Variants in ITGA2 observed in about 807,000 individuals in gnomAD.
The protein encoded by ITGA2 is integrin alpha-2.
In ITGA2, 101 loss-of-function variants were observed where a neutral mutation model predicts 146.3. The observed-to-expected ratio is 0.69, with a 90% confidence interval of 0.59 to 0.81. The LOEUF (loss-of-function observed/expected upper bound fraction) is 0.81, where lower values mean the gene tolerates loss of function less well. ITGA2 is among the 40% of genes least tolerant of loss of function. The probability of loss-of-function intolerance (pLI) is 0.00; values close to 1 mark genes in which losing one functional copy is unlikely to be tolerated. For synonymous variants in ITGA2, 477 were observed against 487.1 expected, an observed-to-expected ratio of 0.98 and a Z score of 0.27; for missense variants, 1,281 against 1,402.7, an observed-to-expected ratio of 0.91 and a Z score of 1.39.
At chr5:53,000,324 CTTTA>C (rs2111689592) in intron 1 of ITGA2, among the ~76,000 whole-genome samples, 1 of 152,052 alleles carries the variant, frequency 6.6e-6, no homozygotes, top group African/African-American at 2.4e-5. Context: ...AATTTTTCTT[CTTTA>C]TTAATGTGGA....
At chr5:52,989,639 C>T in intron 1 of ITGA2, 107 bp downstream of exon 1, 1 of 1,254,816 alleles carries the variant, frequency 8.0e-7, no homozygotes, top group Non-Finnish European at 1.2e-6. Context: ...CGTGTGTTCC[C>T]TCGGATTCCA....
intron 29 of ITGA2, 129 bp from the exon 30 acceptor site, chr5:53,090,390 T>A: frequency 1.3e-6 from 1 of 785,384 alleles, no homozygotes; most frequent in Non-Finnish European, 2.3e-6. Flanking sequence ...GTCATCAGTC[T>A]GCACACCTCC....
At chr5:53,040,533 A>ATTTCTATCT (rs1459347446) in intron 2 of ITGA2, among the ~76,000 whole-genome samples, 6 of 152,134 alleles carry the variant, frequency 3.9e-5, no homozygotes, top group Non-Finnish European at 7.4e-5. Context: ...CAACATTCAG[A>ATTTCTATCT]TTTCTATCTT....
At chr5:53,058,141 G>A (rs772544565) in intron 10 of ITGA2, 40 bp downstream of exon 10, 3 of 1,433,096 alleles carry the variant, frequency 2.1e-6, no homozygotes, top group Non-Finnish European at 3.0e-6. Context: ...TTGTCATTTG[G>A]CATAACACTT....
intron 1 of ITGA2, among the ~76,000 whole-genome samples, chr5:53,016,900 T>C (rs1347475065): frequency 6.6e-6 from 1 of 152,262 alleles, no homozygotes; most frequent in Non-Finnish European, 1.5e-5. Flanking sequence ...GATTGTATTA[T>C]GAAATTCTTG....
intron 1 of ITGA2, among the ~76,000 whole-genome samples, chr5:53,004,894 GTTTTTTTTTTTT>G (rs548541753): frequency 8.3e-3 from 465 of 55,828 alleles, no homozygotes; most frequent in African/African-American, 0.028. Context: ...TAGTTGCTTT[GTTTTTTTTTTTT>G]TTTTTTTTTT....
At chr5:53,064,656 C>T (rs1040784524) in intron 13 of ITGA2, among the ~76,000 whole-genome samples, 3 of 151,960 alleles carry the variant, frequency 2.0e-5, no homozygotes, top group Non-Finnish European at 4.4e-5. Context: ...AATCCTCCCA[C>T]TTCAGCCTCC....
rs2303123 is a variant in ITGA2, at chr5:53,083,189, G to A, written c.3145-151G>A. ...GTCCCACAATCCCTTGAAGGAGGGC[G>A]GGAGAGTTAGAACTACTAATAGCTC... On this transcript the variant is annotated intron_variant, in intron 26 of 29. Transcript: ENST00000296585. 293,763 of 647,638 alleles carry A rather than the reference G, an allele frequency of 0.45. 67,302 individuals are homozygous for A. Among genetic ancestry groups the A allele is most frequent in the Admixed American group, 0.49 (21,264 of 42,982 alleles). 40.1% of individuals were successfully genotyped at this position (647,638 alleles called of 1,614,324 possible).
At chr5:53,008,642 G>GTC (rs3212400) in intron 1 of ITGA2, among the ~76,000 whole-genome samples, 1 of 151,404 alleles carries the variant, frequency 6.6e-6, no homozygotes, top group African/African-American at 2.4e-5. Flanking sequence ...GTCAGCTAGA[G>GTC]TCTCTCTCTC....
intron 1 of ITGA2, among the ~76,000 whole-genome samples, chr5:53,004,672 C>G (rs1368203237): frequency 1.3e-5 from 2 of 152,016 alleles, no homozygotes; most frequent in African/African-American, 4.8e-5. Context: ...AAAGCAAGGA[C>G]TTTCTAAGAA....
rs189291230 is a variant in ITGA2 at position 53,083,514 on chromosome 5, C to T, written c.3258+61C>T. 39 of 1,013,158 alleles carry T rather than the reference C, an allele frequency of 3.8e-5. No homozygotes were observed. The East Asian group carries it at 8.4e-4, about 22-fold the overall frequency. The allele number at this position is 1,013,158 out of a possible 1,614,324, so 62.8% of individuals were successfully genotyped here. On this transcript the variant is annotated intron_variant, in intron 27 of 29. Coordinates refer to ENST00000296585, the MANE Select transcript of ITGA2 (RefSeq NM_002203.4). Reference sequence around the variant, plus strand: ...GCAAGGAAACATAAGTCTGCACTGACAAGTTCTTCCCCTTTGACAAAATAA... The same window carrying T: ...GCAAGGAAACATAAGTCTGCACTGATAAGTTCTTCCCCTTTGACAAAATAA...
At position 53,091,477 on chromosome 5, in the gene ITGA2, G is replaced by GTA. The variant is rs1479153847; in HGVS notation, c.*879_*880dup. On this transcript the variant is annotated 3_prime_UTR_variant, in exon 30 of 30. Coordinates refer to ENST00000296585, the MANE Select transcript of ITGA2 (RefSeq NM_002203.4). ...CTAGGATTTGTTTGGCTGACTGGCA[G>GTA]TAACCTAGTGAATTTCTGAAAGATG... 5 of 152,186 alleles carry GTA rather than the reference G, an allele frequency of 3.3e-5. No individual in the cohort carries two copies. Among genetic ancestry groups the GTA allele is most frequent in the African/African-American group, 4.8e-5 (2 of 41,430 alleles). The allele number at this position is 152,186 out of a possible 1,614,324, so 9.4% of individuals were successfully genotyped here.
intron 1 of ITGA2, among the ~76,000 whole-genome samples, chr5:53,002,779 G>A (rs1741647465): frequency 6.6e-6 from 1 of 152,050 alleles, no homozygotes; most frequent in Non-Finnish European, 1.5e-5. Context: ...ATGGAACAGT[G>A]TAGCCATCTG....
intron 9 of ITGA2, among the ~76,000 whole-genome samples, chr5:53,057,307 C>T (rs1744688758): frequency 1.3e-5 from 2 of 151,994 alleles, no homozygotes. Flanking sequence ...CTATGTTGTA[C>T]AGTACAGTTT....
chr5:53,063,483 A>G (rs899415228), intron 13 of ITGA2, among the ~76,000 whole-genome samples: 37 of 151,864 alleles, frequency 2.4e-4, no homozygotes, highest in Non-Finnish European at 4.6e-4. Flanking sequence ...ATACATTAAC[A>G]TGGCAAAGCA....
At chr5:53,015,477 T>C (rs1283413658) in intron 1 of ITGA2, among the ~76,000 whole-genome samples, 13 of 152,170 alleles carry the variant, frequency 8.5e-5, no homozygotes, top group African/African-American at 3.1e-4. Context: ...TATGATTTTT[T>C]TTTTTAATTT....
At chr5:53,011,537 G>A (rs1186035903) in intron 1 of ITGA2, among the ~76,000 whole-genome samples, 1 of 151,958 alleles carries the variant, frequency 6.6e-6, no homozygotes, top group Admixed American at 6.6e-5. Flanking sequence ...CTCCTTAGTG[G>A]CCCTGCCTCT....
intron 23 of ITGA2, among the ~76,000 whole-genome samples, chr5:53,078,486 T>C (rs1162161342): frequency 2.6e-5 from 4 of 152,162 alleles, no homozygotes; most frequent in Admixed American, 6.5e-5. Context: ...TCTAAAGTAA[T>C]ACTTTTGTAC....
intron 14 of ITGA2, among the ~76,000 whole-genome samples, chr5:53,065,339 TA>T (rs1745097069): frequency 6.6e-6 from 1 of 151,962 alleles, no homozygotes; most frequent in Non-Finnish European, 1.5e-5. Flanking sequence ...GTGTGCCTTA[TA>T]TTATATTGGA....
Sources: allele counts gnomAD v4.1 joint callset (sites outside exome capture counted in the v4.1 genomes callset), GRCh38; gene constraint gnomAD v4.1.1; transcripts MANE v1.5; gene names NCBI Gene and HGNC (gene_info 2026-07-23, HGNC 2026-07-21).